The following DDX6 variants were observed in gnomAD, a reference collection of about 807,000 sequenced individuals.
DDX6 encodes probable ATP-dependent RNA helicase DDX6.
Under a neutral mutation model 60.6 loss-of-function variants are expected in DDX6, and 7 were observed. That is an observed-to-expected ratio of 0.12 (90% confidence interval 0.07 to 0.22). DDX6 has a LOEUF of 0.22. DDX6 is among the 10% of genes least tolerant of loss of function. The pLI, the probability that DDX6 is intolerant of heterozygous loss-of-function variation, is 1.00. For synonymous variants in DDX6, 207 were observed against 201.0 expected, an observed-to-expected ratio of 1.03 and a Z score of -0.25; for missense variants, 270 against 589.9, an observed-to-expected ratio of 0.46 and a Z score of 5.62.
chr11:118,756,508 T>TA (rs782508242), intron 10 of DDX6, among the ~76,000 whole-genome samples, 185 bp from the exon 11 acceptor site: 1 of 152,222 alleles, frequency 6.6e-6, no homozygotes, highest in Non-Finnish European at 1.5e-5. Flanking sequence ...ACTGTTTACT[T>TA]ACGAAATTTC....
intron 4 of DDX6, among the ~76,000 whole-genome samples, chr11:118,770,538 C>T (rs1861502195): frequency 4.6e-5 from 7 of 152,152 alleles, no homozygotes; most frequent in Admixed American, 4.6e-4. Context: ...GCTCCAATCA[C>T]AGGATATAAA....
At position 118,765,365 on chromosome 11, in the gene DDX6, T is replaced by A. The variant is rs540602564; in HGVS notation, c.500-10A>T. The A allele has an allele frequency of 2.0e-4, 320 of 1,613,740 alleles. 1 individual carries two copies. In the South Asian group the frequency reaches 3.3e-3, roughly 17 times the overall value. On this transcript the variant is annotated splice_polypyrimidine_tract_variant and intron_variant, in intron 5 of 13. Coordinates refer to ENST00000534980, the MANE Select transcript of DDX6 (RefSeq NM_004397.6). ...GGAACAATCACCATTGCTGAAACAG[T>A]ATCAAGGAATATATAAGAAAATATG...
chr11:118,759,903 A>C lies in DDX6; in HGVS notation c.864+19T>G. 2 of 1,606,192 alleles carry C rather than the reference A, an allele frequency of 1.2e-6. No individual in the cohort carries two copies. Among genetic ancestry groups the C allele is most frequent in the Non-Finnish European group, 1.7e-6 (2 of 1,177,474 alleles). On this transcript the variant is annotated intron_variant, in intron 8 of 13. Coordinates refer to ENST00000534980, the MANE Select transcript of DDX6 (RefSeq NM_004397.6). ...AGGTCACAGGATGGCACTGATTCCA[A>C]GTACAGATTTATACTCACCATGAAC...
At chr11:118,784,897 C>T (rs1202013244) in intron 2 of DDX6, among the ~76,000 whole-genome samples, 2 of 152,098 alleles carry the variant, frequency 1.3e-5, no homozygotes, top group Non-Finnish European at 2.9e-5. Context: ...TGGGCATGTG[C>T]CACCACGCCC....
chr11:118,783,611 T>TG (rs34342249), intron 2 of DDX6, among the ~76,000 whole-genome samples: 93,013 of 151,050 alleles, frequency 0.62, 29,113 homozygotes, highest in East Asian at 0.7. Context: ...AAGCCTAGCC[T>TG]GCAAACATGA....
chr11:118,781,246 A>T, intron 2 of DDX6, 62 bp from the exon 3 acceptor site: 2 of 1,023,242 alleles, frequency 2.0e-6, no homozygotes, highest in Non-Finnish European at 3.0e-6. Flanking sequence ...AAGATGATTC[A>T]TCTCAATTAT....
At chr11:118,770,979 C>A (rs1861517203) in intron 4 of DDX6, among the ~76,000 whole-genome samples, 1 of 151,926 alleles carries the variant, frequency 6.6e-6, no homozygotes, top group Non-Finnish European at 1.5e-5. Context: ...GTAAAGCAAA[C>A]AAAGAAGAAA....
At chr11:118,778,021 A>T (rs1231209809) in intron 4 of DDX6, among the ~76,000 whole-genome samples, 3 of 128,226 alleles carry the variant, frequency 2.3e-5, no homozygotes, top group Non-Finnish European at 3.0e-5. Context: ...GAATAATAAT[A>T]AAAAAAAAAT....
chr11:118,755,140 T>C (rs1555158427), intron 12 of DDX6, among the ~76,000 whole-genome samples: 2 of 152,206 alleles, frequency 1.3e-5, no homozygotes, highest in African/African-American at 4.8e-5. Flanking sequence ...AAAATACACA[T>C]TAAACAACAG....
chr11:118,779,596 A>G (rs1314439788), intron 4 of DDX6, 36 bp downstream of exon 4: 3 of 1,388,196 alleles, frequency 2.2e-6, no homozygotes, highest in African/African-American at 1.4e-5. Context: ...TGGTTGACAC[A>G]TAACCTTACA....
chr11:118,784,936 G>A (rs874621), intron 2 of DDX6, among the ~76,000 whole-genome samples: 26,027 of 151,978 alleles, frequency 0.17, 2,471 homozygotes, highest in South Asian at 0.29. Context: ...AGTAGAGACG[G>A]GGTTTATTTT....
chr11:118,760,914 C>T (rs938412566), intron 7 of DDX6, among the ~76,000 whole-genome samples: 2 of 150,830 alleles, frequency 1.3e-5, no homozygotes, highest in Non-Finnish European at 2.9e-5. Context: ...ACCAGGCGGG[C>T]GGATCACCTG....
In DDX6 at chr11:118,751,326, T is replaced by G. The variant is rs1860761543; in HGVS notation, c.*779A>C. On this transcript the variant is annotated 3_prime_UTR_variant, in exon 14 of 14. Transcript: ENST00000534980. ...CTTTCCTTTGGGAGCGATGATGTTT[T>G]TTATCTACTCAGCCCAGAAGAAATT... is the stretch of plus-strand genomic sequence containing the variant. The G allele has an allele frequency of 6.6e-6, 1 of 152,006 alleles. No individual in the cohort carries two copies. Among genetic ancestry groups the G allele is most frequent in the African/African-American group, 2.4e-5 (1 of 41,410 alleles). 9.4% of individuals were successfully genotyped at this position (152,006 alleles called of 1,614,324 possible).
intron 4 of DDX6, among the ~76,000 whole-genome samples, chr11:118,771,104 T>C (rs1861520610): frequency 1.3e-5 from 2 of 152,302 alleles, no homozygotes; most frequent in Admixed American, 1.3e-4. Context: ...TTTTCTCTTT[T>C]GTGGTTCTGT....
At chr11:118,766,506 T>C (rs912705320) in intron 5 of DDX6, among the ~76,000 whole-genome samples, 1 of 152,180 alleles carries the variant, frequency 6.6e-6, no homozygotes, top group Admixed American at 6.6e-5. Context: ...AACTCAAATG[T>C]ACAAATCTCT....
At position 118,775,230 on chromosome 11, in the gene DDX6, C is replaced by T. The variant is rs140937575; in HGVS notation, c.369+4402G>A. ...ACTTGGGAGGCCGAGGCACGAGAATCGCTTGAACCCGGGAGGCAGAGGTTG... is the reference window on the plus strand; with the variant it reads ...ACTTGGGAGGCCGAGGCACGAGAATTGCTTGAACCCGGGAGGCAGAGGTTG... On this transcript the variant is annotated intron_variant, in intron 4 of 13. Transcript: ENST00000534980. 2.7e-4 allele frequency among the ~76,000 whole-genome samples: 41 copies of T among 152,260 alleles called. No homozygotes were observed. The East Asian group carries it at 5.2e-3, about 19-fold the overall frequency.
At position 118,768,245 on chromosome 11, in the gene DDX6, G is replaced by T. The variant is rs782814265; in HGVS notation, c.477C>A (p.Asp159Glu). The T allele has an allele frequency of 4.3e-6, 7 of 1,613,618 alleles. No individual in the cohort carries two copies. The highest frequency in any genetic ancestry group is 5.1e-6 in the Non-Finnish European group (6 of 1,179,858). Residue 159 changes from aspartate to glutamate, a missense_variant, in exon 5 of 14, where the codon GAC (aspartate) becomes GAA (glutamate). Around this residue, in one of 8 missense-constraint regions of DDX6, gnomAD observed 17 missense variants for 18.6 expected, o/e 0.91. Transcript: ENST00000534980. Reference sequence around the variant, plus strand: ...AACCTTGTATATTGTCCTTCTTCAGGTCTAGCCGTTCAAGTAAGGGAATGA... The same window carrying T: ...AACCTTGTATATTGTCCTTCTTCAGTTCTAGCCGTTCAAGTAAGGGAATGA... The part of the protein sequence containing the change: ...AYLIPLLERL[D>E]LKKDNIQAMV...
intron 13 of DDX6, among the ~76,000 whole-genome samples, chr11:118,753,473 G>A (rs1380053042): frequency 6.6e-6 from 1 of 151,476 alleles, no homozygotes. Context: ...CCGAGTAGCT[G>A]GGACTACAGG....
intron 9 of DDX6, 33 bp downstream of exon 9, chr11:118,758,741 G>GAT (rs782230854): frequency 8.1e-6 from 13 of 1,610,626 alleles, no homozygotes; most frequent in Non-Finnish European, 1.1e-5. Flanking sequence ...GGACTCGAGA[G>GAT]ATAATATTCA....
Sources: gnomAD v4.1 joint callset for allele counts (sites outside exome capture counted in the v4.1 genomes callset) on GRCh38, gnomAD v4.1.1 for gene constraint, gnomAD v4.1.1 regional missense constraint, MANE v1.5 for transcripts, NCBI Gene and HGNC (gene_info 2026-07-23, HGNC 2026-07-21) for gene names.